Variants in DACH1 observed in about 807,000 individuals in gnomAD.
DACH1 encodes dachshund homolog 1.
A neutral mutation model predicts 54.2 loss-of-function variants in DACH1; 12 were observed. The ratio of observed to expected loss-of-function variants is 0.22; its 90% CI spans 0.14 to 0.36. The LOEUF is 0.36. Ranked by LOEUF, DACH1 falls within the 10% of genes least tolerant of loss-of-function variation. The pLI, the probability that DACH1 is intolerant of heterozygous loss-of-function variation, is 1.00. For missense variants in DACH1, 805 were observed against 929.8 expected (o/e 0.87, Z 1.75); for synonymous variants, 386 against 366.2 (o/e 1.05, Z -0.62).
chr13:71,463,893 G>T (rs1876327061), intron 10 of DACH1, among the ~76,000 whole-genome samples: 1 of 151,744 alleles, frequency 6.6e-6, no homozygotes, highest in East Asian at 1.9e-4. Context: ...TGAGATTTTG[G>T]ATTTCATCCC....
chr13:71,819,394 G>T (rs1044230113), intron 1 of DACH1, among the ~76,000 whole-genome samples: 1 of 152,212 alleles, frequency 6.6e-6, no homozygotes, highest in African/African-American at 2.4e-5. Context: ...CAAAGACGCA[G>T]TGTGGATCTG....
chr13:71,452,896 T>C (rs1019757504), intron 10 of DACH1, among the ~76,000 whole-genome samples: 4 of 152,260 alleles, frequency 2.6e-5, no homozygotes, highest in Non-Finnish European at 4.4e-5. Flanking sequence ...TTGAAATAAA[T>C]ATTAAGTTAT....
chr13:71,678,840 G>T (rs928136370), intron 2 of DACH1, among the ~76,000 whole-genome samples: 4 of 151,836 alleles, frequency 2.6e-5, no homozygotes, highest in African/African-American at 7.3e-5. Context: ...TTTGATTTTT[G>T]GTAGAGACTA....
intron 1 of DACH1, among the ~76,000 whole-genome samples, chr13:71,841,815 G>A (rs1292943195): frequency 6.6e-6 from 1 of 152,048 alleles, no homozygotes; most frequent in Non-Finnish European, 1.5e-5. Flanking sequence ...TATTTCCTAG[G>A]TATGACCTGG....
chr13:71,738,409 G>T (rs1358055391), intron 1 of DACH1, among the ~76,000 whole-genome samples: 2 of 152,072 alleles, frequency 1.3e-5, no homozygotes, highest in African/African-American at 4.8e-5. Context: ...AAGAGATCAG[G>T]ATGGAAACAA....
chr13:71,521,713 A>T (rs1464536059), intron 6 of DACH1, among the ~76,000 whole-genome samples: 1 of 152,070 alleles, frequency 6.6e-6, no homozygotes, highest in Admixed American at 6.6e-5. Context: ...ACCTGATCCC[A>T]GAGCATCACA....
At chr13:71,451,783 T>C (rs1271296035) in intron 10 of DACH1, among the ~76,000 whole-genome samples, 1 of 152,190 alleles carries the variant, frequency 6.6e-6, no homozygotes, top group Non-Finnish European at 1.5e-5. Context: ...TAAAGGACAT[T>C]ATTGGGTCAA....
chr13:71,839,366 G>A (rs998231400), intron 1 of DACH1, among the ~76,000 whole-genome samples: 1 of 152,098 alleles, frequency 6.6e-6, no homozygotes, highest in Non-Finnish European at 1.5e-5. Flanking sequence ...CCAGCACTTT[G>A]GGAGGCCAAG....
chr13:71,599,556 C>T (rs1360712582), intron 3 of DACH1, among the ~76,000 whole-genome samples: 1 of 152,064 alleles, frequency 6.6e-6, no homozygotes, highest in Non-Finnish European at 1.5e-5. Flanking sequence ...TGAATTGGAA[C>T]TGTAGAGCAG....
At chr13:71,796,003 T>C (rs1018653854) in intron 1 of DACH1, among the ~76,000 whole-genome samples, 1 of 152,148 alleles carries the variant, frequency 6.6e-6, no homozygotes, top group Non-Finnish European at 1.5e-5. Context: ...AGCAAGGCTG[T>C]AGACTTCTGT....
At chr13:71,463,688 A>AAGTT (rs1210885713) in intron 10 of DACH1, among the ~76,000 whole-genome samples, 2 of 151,984 alleles carry the variant, frequency 1.3e-5, no homozygotes, top group Non-Finnish European at 2.9e-5. Context: ...GCCTGTAAAA[A>AAGTT]AGTTGTGTAA....
chr13:71,741,174 TCAAA>T (rs1389881666), intron 1 of DACH1, among the ~76,000 whole-genome samples: 1 of 152,214 alleles, frequency 6.6e-6, no homozygotes, highest in Non-Finnish European at 1.5e-5. Flanking sequence ...CCACCCAAGT[TCAAA>T]CAGTTTCTTG....
chr13:71,480,705 A>G (rs1877955158), intron 7 of DACH1, among the ~76,000 whole-genome samples: 1 of 152,182 alleles, frequency 6.6e-6, no homozygotes. Context: ...CTCCCTTGCA[A>G]GAAGACATTG....
chr13:71,709,298 T>C (rs914098427), intron 1 of DACH1, among the ~76,000 whole-genome samples: 2 of 152,172 alleles, frequency 1.3e-5, no homozygotes, highest in Admixed American at 6.5e-5. Flanking sequence ...CTATTATCCA[T>C]GGTTTTGCTC....
intron 6 of DACH1, among the ~76,000 whole-genome samples, chr13:71,543,157 T>A (rs1299696993): frequency 6.6e-5 from 10 of 152,106 alleles, no homozygotes; most frequent in African/African-American, 1.9e-4. Context: ...ATGTGAAGAA[T>A]TTAGGTTGTA....
chr13:71,513,973 A>C (rs1880974143), intron 6 of DACH1, among the ~76,000 whole-genome samples: 1 of 152,094 alleles, frequency 6.6e-6, no homozygotes, highest in Non-Finnish European at 1.5e-5. Context: ...TGCCTCAGAC[A>C]GAAAAAGAGA....
chr13:71,501,505 T>C (rs1230377636), intron 6 of DACH1, among the ~76,000 whole-genome samples: 1 of 152,102 alleles, frequency 6.6e-6, no homozygotes, highest in East Asian at 1.9e-4. Flanking sequence ...ACAGAGCATA[T>C]GTTTGAGATT....
At chr13:71,631,725 A>T (rs1490233543) in intron 2 of DACH1, among the ~76,000 whole-genome samples, 1 of 152,190 alleles carries the variant, frequency 6.6e-6, no homozygotes, top group South Asian at 2.1e-4. Flanking sequence ...ACTTTGAACC[A>T]CTATGCAAAG....
At position 71,642,882 on chromosome 13, in the gene DACH1, A is replaced by G. The variant is rs113838666; in HGVS notation, c.965-12165T>C. 2.3e-3 allele frequency among the ~76,000 whole-genome samples: 353 copies of G among 150,274 alleles called. 4 individuals carry two copies. The highest frequency in any genetic ancestry group is 8.2e-3 in the African/African-American group (339 of 41,458). ...TGAAAAAAATATACAAAAATTAGCC[A>G]GACATAGTGGCACGTGCCTGTAATC... On this transcript the variant is annotated intron_variant, in intron 2 of 10. Coordinates refer to ENST00000613252, the MANE Select transcript of DACH1 (RefSeq NM_080759.6).
Sources: gnomAD v4.1 joint callset for allele counts (sites outside exome capture counted in the v4.1 genomes callset) on GRCh38, gnomAD v4.1.1 for gene constraint, MANE v1.5 for transcripts, NCBI Gene and HGNC (gene_info 2026-07-23, HGNC 2026-07-21) for gene names.